The following SRD5A3 variants were observed in gnomAD, a reference collection of about 807,000 sequenced individuals.
The protein encoded by SRD5A3 is steroid 5 alpha-reductase 3.
A neutral mutation model predicts 34.3 loss-of-function variants in SRD5A3; 24 were observed. That is an observed-to-expected ratio of 0.70 (90% CI 0.51 to 0.99). The LOEUF is 0.99. Among genes scored for constraint, SRD5A3 ranks in the 50% least tolerant of loss-of-function variants. The probability of loss-of-function intolerance (pLI) is 0.00; values close to 1 mark genes in which losing one functional copy is unlikely to be tolerated. For synonymous variants in SRD5A3, 161 were observed against 167.3 expected (o/e 0.96, Z 0.29); for missense variants, 350 against 388.2 (o/e 0.90, Z 0.83).
intron 1 of SRD5A3, among the ~76,000 whole-genome samples, chr4:55,353,706 A>G (rs1719304168): frequency 6.6e-6 from 1 of 151,404 alleles, no homozygotes; most frequent in Admixed American, 6.6e-5. Flanking sequence ...AGGAACAAAC[A>G]ACTCTGGAGG....
At chr4:55,348,339 A>G (rs1719071874) in intron 1 of SRD5A3, among the ~76,000 whole-genome samples, 1 of 152,152 alleles carries the variant, frequency 6.6e-6, no homozygotes, top group South Asian at 2.1e-4. Flanking sequence ...TATTGTGACA[A>G]AAAAAAGATA....
Position 55,346,420 on chromosome 4 carries a change from G to C in SRD5A3, c.84G>C (p.Leu28=), listed in dbSNP as rs1280279236. The stretch of plus-strand genomic sequence containing the variant: ...TCACGCTGACCGCCGCCTTCCTGCT[G>C]ACCCTACTGCTGCAGCTCCTGCCGC... ...VWLTLTAAFL[L]TLLLQLLPPG... The change falls in exon 1 of 5, where the codon CTG becomes CTC. Residue 28 remains leucine (L), a synonymous_variant. Transcript: ENST00000264228. 1 of 1,601,362 alleles carries C rather than the reference G, an allele frequency of 6.2e-7. No homozygotes were observed. Among genetic ancestry groups the C allele is most frequent in the Non-Finnish European group, 8.5e-7 (1 of 1,175,168 alleles).
intron 1 of SRD5A3, among the ~76,000 whole-genome samples, chr4:55,352,768 G>T (rs1719245823): frequency 6.6e-6 from 1 of 152,174 alleles, no homozygotes; most frequent in Non-Finnish European, 1.5e-5. Context: ...ATCATTCTAG[G>T]CTCCTTAGAG....
At chr4:55,367,872 C>A in intron 4 of SRD5A3, 150 bp downstream of exon 4, 1 of 1,038,246 alleles carries the variant, frequency 9.6e-7, no homozygotes, top group Non-Finnish European at 1.4e-6. Context: ...CTTGATCTTC[C>A]CATCTGTGAA....
At chr4:55,349,551 A>T (rs62305111) in intron 1 of SRD5A3, among the ~76,000 whole-genome samples, 2,037 of 150,778 alleles carry the variant, frequency 0.014, 44 homozygotes, top group African/African-American at 0.047. Context: ...TTTTTTTTAA[A>T]TAAGGTGATG....
intron 3 of SRD5A3, among the ~76,000 whole-genome samples, chr4:55,366,408 C>T (rs1262611018): frequency 2.0e-5 from 3 of 152,166 alleles, no homozygotes; most frequent in Non-Finnish European, 4.4e-5. Flanking sequence ...AAACCCCTGG[C>T]CTCAAGTGAT....
In SRD5A3 at chr4:55,346,570, C is replaced by G. The variant is rs545766107; in HGVS notation, c.221+13C>G. 2.7e-5 allele frequency: 43 copies of G among 1,565,348 alleles called. No individual in the cohort carries two copies. The highest frequency in any genetic ancestry group is 6.9e-6 in the Non-Finnish European group (8 of 1,156,830). ...ATGTCCCCAAGAGGTAACCGCGCCC[C>G]GGTCCCGAGCCGCGGTGGTCAAGGC... On this transcript the variant is annotated intron_variant, in intron 1 of 4. Transcript: ENST00000264228.
At chr4:55,353,513 G>C (rs962657070) in intron 1 of SRD5A3, among the ~76,000 whole-genome samples, 2 of 152,202 alleles carry the variant, frequency 1.3e-5, no homozygotes, top group African/African-American at 4.8e-5. Context: ...GGCCACCCGA[G>C]CCAGCAGCGC....
At chr4:55,355,965 A>G (rs1304951491) in intron 1 of SRD5A3, among the ~76,000 whole-genome samples, 2 of 149,780 alleles carry the variant, frequency 1.3e-5, no homozygotes, top group Admixed American at 6.6e-5. Context: ...CTTAAATAAT[A>G]ATGAAATATA....
rs577172755 is a variant in SRD5A3, at chr4:55,353,510, C to T, written c.222-5836C>T. 2.6e-5 allele frequency among the ~76,000 whole-genome samples: 4 copies of T among 152,182 alleles called. 1 individual carries two copies. Among genetic ancestry groups the T allele is most frequent in the Admixed American group, 2.0e-4 (3 of 15,278 alleles). On this transcript the variant is annotated intron_variant, in intron 1 of 4. Transcript: ENST00000264228. ...AATAAGGGAATAAAAGCTGGCCACC[C>T]GAGCCAGCAGCGCCAAGTCACTGGG... is the stretch of plus-strand genomic sequence containing the variant.
intron 3 of SRD5A3, 113 bp downstream of exon 3, chr4:55,364,384 A>G (rs566000713): frequency 3.5e-5 from 44 of 1,259,730 alleles, no homozygotes; most frequent in African/African-American, 8.9e-5. Flanking sequence ...GACAGGCCCA[A>G]TGCATTTTGC....
intron 3 of SRD5A3, among the ~76,000 whole-genome samples, chr4:55,366,329 G>A (rs1353102590): frequency 6.6e-6 from 1 of 152,084 alleles, no homozygotes; most frequent in Non-Finnish European, 1.5e-5. Context: ...ATTTAAAACT[G>A]TATTTTTAAT....
chr4:55,367,355 G>GT lies in SRD5A3; in HGVS notation c.563-232dup, dbSNP rs1368515764. On this transcript the variant is annotated intron_variant, in intron 3 of 4. Coordinates refer to ENST00000264228, the MANE Select transcript of SRD5A3 (RefSeq NM_024592.5). The stretch of plus-strand genomic sequence containing the variant: ...CTGAAGCTGCCCATAGCTGAGGAAC[G>GT]TATCTCCTTTGTCCAGAGAGACAGG... 6.6e-5 allele frequency among the ~76,000 whole-genome samples: 10 copies of GT among 152,322 alleles called. No homozygotes were observed. The South Asian group carries it at 1.2e-3, about 19-fold the overall frequency.
intron 1 of SRD5A3, among the ~76,000 whole-genome samples, chr4:55,346,791 C>G (rs1395403758): frequency 6.6e-6 from 1 of 152,196 alleles, no homozygotes; most frequent in African/African-American, 2.4e-5. Flanking sequence ...AGAGCGGAGC[C>G]GCTTGCACTC....
chr4:55,354,391 G>A (rs928220771), intron 1 of SRD5A3, among the ~76,000 whole-genome samples: 6 of 152,092 alleles, frequency 3.9e-5, no homozygotes, highest in Admixed American at 1.3e-4. Flanking sequence ...CACCGCGCTC[G>A]GCCAGCAAAT....
chr4:55,357,539 G>A (rs2109471374), intron 1 of SRD5A3, among the ~76,000 whole-genome samples: 1 of 152,116 alleles, frequency 6.6e-6, no homozygotes, highest in East Asian at 1.9e-4. Flanking sequence ...GTGGCGATTG[G>A]CCTTGATGCA....
intron 1 of SRD5A3, among the ~76,000 whole-genome samples, chr4:55,358,208 G>C (rs2109471997): frequency 6.6e-6 from 1 of 152,216 alleles, no homozygotes; most frequent in East Asian, 1.9e-4. Flanking sequence ...GAAAAAAATA[G>C]AAAAGTATAC....
In SRD5A3 at chr4:55,369,595, G is replaced by T. The variant is rs1969380; in HGVS notation, c.698-237G>T. The stretch of plus-strand genomic sequence containing the variant: ...AAATTCAAAAAATGAGCCAGGCATG[G>T]TGATGCATACCTGTGGTACTAGCCA... On this transcript the variant is annotated intron_variant, in intron 4 of 4. Coordinates refer to ENST00000264228, the MANE Select transcript of SRD5A3 (RefSeq NM_024592.5). 1,742 of 547,626 alleles carry T rather than the reference G, an allele frequency of 3.2e-3. 18 individuals carry two copies. Among genetic ancestry groups the T allele is most frequent in the African/African-American group, 0.03 (1,597 of 52,766 alleles). 33.9% of individuals were successfully genotyped at this position (547,626 alleles called of 1,614,324 possible).
chr4:55,355,562 T>C (rs539363645), intron 1 of SRD5A3, among the ~76,000 whole-genome samples: 5 of 151,990 alleles, frequency 3.3e-5, no homozygotes, highest in African/African-American at 1.2e-4. Flanking sequence ...AAAGACACCA[T>C]GACACAAGTA....
Sources: gnomAD v4.1 joint callset for allele counts (sites outside exome capture counted in the v4.1 genomes callset) on GRCh38, gnomAD v4.1.1 for gene constraint, MANE v1.5 for transcripts, NCBI Gene and HGNC (gene_info 2026-07-23, HGNC 2026-07-21) for gene names.